The following MAPK10 variants were observed in gnomAD, a reference collection of about 807,000 sequenced individuals.
MAPK10 encodes the protein JNK3 alpha protein kinase.
In MAPK10, 25 loss-of-function variants were observed where a neutral mutation model predicts 59.3. That is an observed-to-expected ratio of 0.42 (90% confidence interval 0.31 to 0.59). The LOEUF is 0.59. Among genes scored for constraint, MAPK10 ranks in the 20% least tolerant of loss-of-function variants. MAPK10 has a pLI of 0.15. For missense variants in MAPK10, 351 were observed against 568.9 expected, an observed-to-expected ratio of 0.62 and a Z score of 3.90; for synonymous variants, 190 against 200.5, an observed-to-expected ratio of 0.95 and a Z score of 0.44.
intron 1 of MAPK10, among the ~76,000 whole-genome samples, chr4:86,498,045 GC>G (rs1188201810): frequency 3.3e-5 from 5 of 152,162 alleles, no homozygotes; most frequent in African/African-American, 1.2e-4. Context: ...GCTCCTTTCT[GC>G]CCTTTCTCTC....
chr4:86,248,236 T>G (rs1437342381), intron 2 of MAPK10, among the ~76,000 whole-genome samples: 1 of 152,248 alleles, frequency 6.6e-6, no homozygotes. Context: ...TTTTAAAGCT[T>G]GTGTTTCACA....
At chr4:86,548,599 C>G (rs1377860083) in intron 1 of MAPK10, among the ~76,000 whole-genome samples, 1 of 152,172 alleles carries the variant, frequency 6.6e-6, no homozygotes, top group South Asian at 2.1e-4. Flanking sequence ...ATAGGTTCCC[C>G]TTTGCCTTCC....
chr4:86,093,903 T>C (rs563848423), intron 9 of MAPK10, among the ~76,000 whole-genome samples: 1 of 151,986 alleles, frequency 6.6e-6, no homozygotes, highest in South Asian at 2.1e-4. Flanking sequence ...TATTTATAAT[T>C]ACATGCAATT....
chr4:86,547,290 G>A lies in MAPK10; in HGVS notation c.-263+46620C>T, dbSNP rs372228127. ...TTCTGGGCTGGCCAAGGCCGGAGCC[G>A]GCTCCCTCAGCTTGCCAGGAGGTGT... On this transcript the variant is annotated intron_variant, in intron 1 of 4. Transcript: ENST00000502302. 2.1e-4 allele frequency among the ~76,000 whole-genome samples: 32 copies of A among 152,310 alleles called. No individual in the cohort carries two copies. The Middle Eastern group carries it at 0.014, about 65-fold the overall frequency.
intron 1 of MAPK10, among the ~76,000 whole-genome samples, chr4:86,468,023 G>A (rs538928824): frequency 7.9e-5 from 12 of 152,116 alleles, no homozygotes; most frequent in Non-Finnish European, 1.3e-4. Context: ...CCCGCCGGTC[G>A]GCCAGAACAA....
At chr4:86,317,016 G>T (rs1356181754) in intron 2 of MAPK10, among the ~76,000 whole-genome samples, 1 of 152,034 alleles carries the variant, frequency 6.6e-6, no homozygotes, top group Admixed American at 6.6e-5. Context: ...AATTCAGTTT[G>T]CAGTCTCTAT....
At chr4:86,202,678 T>C (rs2082906371) in intron 2 of MAPK10, among the ~76,000 whole-genome samples, 1 of 151,602 alleles carries the variant, frequency 6.6e-6, no homozygotes, top group Non-Finnish European at 1.5e-5. Flanking sequence ...AGCAGTGACG[T>C]TTCAGTTCTC....
At chr4:86,550,409 A>C (rs946308861) in intron 1 of MAPK10, among the ~76,000 whole-genome samples, 1 of 135,658 alleles carries the variant, frequency 7.4e-6, no homozygotes, top group African/African-American at 2.6e-5. Flanking sequence ...AAAAAAAAAA[A>C]AACTCCAGGC....
Position 86,411,913 on chromosome 4 carries a change from T to G in MAPK10, c.-122+41117A>C, listed in dbSNP as rs550049856. Among the ~76,000 whole-genome samples, 20 of 152,324 alleles carry G rather than the reference T, an allele frequency of 1.3e-4. No individual in the cohort carries two copies. The South Asian group carries it at 3.9e-3, about 30-fold the overall frequency. On this transcript the variant is annotated intron_variant, in intron 1 of 13. Coordinates refer to the MAPK10 transcript ENST00000361569. ...AGCCCATTTACATTTAAGGTTAATA[T>G]TGTTATATTTGAATTTGATCCTGTC...
At chr4:86,558,271 T>A (rs897220968) in intron 1 of MAPK10, among the ~76,000 whole-genome samples, 3 of 152,184 alleles carry the variant, frequency 2.0e-5, no homozygotes, top group African/African-American at 7.2e-5. Flanking sequence ...TCTTATTTGA[T>A]GTTTGAGAAA....
chr4:86,446,425 T>C (rs1340353120), intron 1 of MAPK10, among the ~76,000 whole-genome samples: 1 of 152,180 alleles, frequency 6.6e-6, no homozygotes, highest in Non-Finnish European at 1.5e-5. Flanking sequence ...CATGTTGCTC[T>C]GGCTGGTTGA....
chr4:86,241,447 G>A lies in MAPK10; in HGVS notation c.-6-47040C>T, dbSNP rs576276315. 8.5e-5 allele frequency among the ~76,000 whole-genome samples: 13 copies of A among 152,132 alleles called. No homozygotes were observed. The South Asian group carries it at 1.0e-3, about 12-fold the overall frequency. Reference sequence around the variant, plus strand: ...TTTCCAGCTTGTTTCCATTCTCCCCGTCTCCTTCTTGTACTCCAATCAATT... The same window carrying A: ...TTTCCAGCTTGTTTCCATTCTCCCCATCTCCTTCTTGTACTCCAATCAATT... On this transcript the variant is annotated intron_variant, in intron 2 of 13. Coordinates refer to ENST00000641462, the MANE Select transcript of MAPK10 (RefSeq NM_138982.4).
chr4:86,211,868 T>G (rs2085911945), intron 2 of MAPK10, among the ~76,000 whole-genome samples: 1 of 152,094 alleles, frequency 6.6e-6, no homozygotes, highest in Non-Finnish European at 1.5e-5. Context: ...TAAGTTGGTA[T>G]AAATTCAAAT....
rs969867899 is a variant in MAPK10 at position 86,212,421 on chromosome 4, C to T, written c.-6-18014G>A. On this transcript the variant is annotated intron_variant, in intron 2 of 13. Transcript: ENST00000641462. ...CCTGTATTCCTAGCTACTCAGGAGA[C>T]TGAGGCAGGAGGCTCACTTGAGCCA... 1.4e-4 allele frequency among the ~76,000 whole-genome samples: 22 copies of T among 152,010 alleles called. 1 individual carries two copies. Among genetic ancestry groups the T allele is most frequent in the Non-Finnish European group, 3.1e-4 (21 of 68,002 alleles).
At chr4:86,551,568 CTCTT>C (rs1440044017) in intron 1 of MAPK10, among the ~76,000 whole-genome samples, 12 of 136,814 alleles carry the variant, frequency 8.8e-5, no homozygotes, top group South Asian at 4.4e-4. Context: ...TCCTTCTTCT[CTCTT>C]TCTTTCTCTC....
At chr4:86,316,847 C>G (rs2095797585) in intron 2 of MAPK10, among the ~76,000 whole-genome samples, 1 of 152,072 alleles carries the variant, frequency 6.6e-6, no homozygotes, top group Non-Finnish European at 1.5e-5. Context: ...TTAGCGGCAG[C>G]CAGTTGTTGT....
intron 2 of MAPK10, among the ~76,000 whole-genome samples, chr4:86,272,567 T>A (rs1018623379): frequency 1.3e-5 from 2 of 152,052 alleles, no homozygotes; most frequent in Non-Finnish European, 1.5e-5. Flanking sequence ...CCGAGAAACA[T>A]AAAAACACTA....
At chr4:86,301,631 A>G (rs998403267) in intron 2 of MAPK10, among the ~76,000 whole-genome samples, 6 of 152,166 alleles carry the variant, frequency 3.9e-5, no homozygotes, top group African/African-American at 4.8e-5. Flanking sequence ...GGACTCACTG[A>G]GTTTCATTTA....
At chr4:86,317,985 C>G (rs927519408) in intron 2 of MAPK10, among the ~76,000 whole-genome samples, 2 of 152,124 alleles carry the variant, frequency 1.3e-5, no homozygotes, top group African/African-American at 4.8e-5. Flanking sequence ...CTGGATCACT[C>G]CAGTCTCTGC....
Sources: allele counts gnomAD v4.1 joint callset (sites outside exome capture counted in the v4.1 genomes callset), GRCh38; gene constraint gnomAD v4.1.1; transcripts MANE v1.5; gene names NCBI Gene and HGNC (gene_info 2026-07-23, HGNC 2026-07-21).